Variants in PLCXD3 observed in about 807,000 individuals in gnomAD.
PLCXD3 encodes the protein phosphatidylinositol specific phospholipase C X domain containing 3, also known as PI-PLC X domain-containing protein 3.
PLCXD3 carries 19 observed loss-of-function variants against 25.5 expected under a neutral mutation model. The ratio of observed to expected loss-of-function variants is 0.75; its 90% CI spans 0.52 to 1.09. PLCXD3 has a LOEUF of 1.09. Among genes scored for constraint, PLCXD3 ranks in the 50% least tolerant of loss-of-function variants. The pLI is 0.00. For missense variants in PLCXD3, 411 were observed against 388.1 expected (o/e 1.06, Z -0.50); for synonymous variants, 174 against 137.6 (o/e 1.26, Z -1.85).
chr5:41,348,565 G>C (rs1293634498), intron 2 of PLCXD3, among the ~76,000 whole-genome samples: 1 of 152,192 alleles, frequency 6.6e-6, no homozygotes, highest in Non-Finnish European at 1.5e-5. Context: ...TTTGAAAATA[G>C]ATGTTTTTCC....
intron 1 of PLCXD3, among the ~76,000 whole-genome samples, chr5:41,464,939 A>T (rs1472730499): frequency 6.6e-6 from 1 of 152,146 alleles, no homozygotes; most frequent in East Asian, 1.9e-4. Context: ...TATTTCAATA[A>T]CTACTTTATT....
chr5:41,353,285 T>C (rs1448260910), intron 2 of PLCXD3, among the ~76,000 whole-genome samples: 2 of 151,200 alleles, frequency 1.3e-5, no homozygotes, highest in African/African-American at 2.4e-5. Context: ...TTTTTTTCAG[T>C]AGAGACAGGG....
intron 1 of PLCXD3, among the ~76,000 whole-genome samples, chr5:41,496,045 T>C (rs952444731): frequency 2.6e-5 from 4 of 151,972 alleles, no homozygotes; most frequent in Non-Finnish European, 1.5e-5. Context: ...ATAACAGAAA[T>C]TTTGGAGCTG....
intron 2 of PLCXD3, among the ~76,000 whole-genome samples, chr5:41,318,054 GA>G (rs911228661): frequency 5.9e-4 from 90 of 151,772 alleles, no homozygotes; most frequent in South Asian, 2.9e-3. Context: ...GGTGCAGAAG[GA>G]AAAAAAACTT....
intron 1 of PLCXD3, among the ~76,000 whole-genome samples, chr5:41,408,691 T>C (rs1746428030): frequency 6.6e-6 from 1 of 152,204 alleles, no homozygotes; most frequent in African/African-American, 2.4e-5. Context: ...AATCCGCACA[T>C]CTTTATTAAG....
In PLCXD3 at chr5:41,332,281, A is replaced by G. The variant is rs926107807; in HGVS notation, c.813-18511T>C. Among the ~76,000 whole-genome samples, 636 of 152,282 alleles carry G rather than the reference A, an allele frequency of 4.2e-3. 6 individuals carry two copies. The highest frequency in any genetic ancestry group is 0.014 in the African/African-American group (593 of 41,530). On this transcript the variant is annotated intron_variant, in intron 2 of 2. Coordinates refer to ENST00000377801, the MANE Select transcript of PLCXD3 (RefSeq NM_001005473.3). ...AAACAACCCCATCAAAAAGTGGGCA[A>G]AGGACATGAACAGATACTTCTCAAA...
At chr5:41,500,042 A>C (rs1023598396) in intron 1 of PLCXD3, among the ~76,000 whole-genome samples, 1 of 151,876 alleles carries the variant, frequency 6.6e-6, no homozygotes, top group Non-Finnish European at 1.5e-5. Flanking sequence ...TAGAACTTCC[A>C]TTTGATCCAG....
chr5:41,319,331 A>C lies in PLCXD3; in HGVS notation c.813-5561T>G, dbSNP rs115417860. ...ACACATTTTTTTCCTCAGCGCATGG[A>C]TCATTCTCAAGGATAGACCATATTT... On this transcript the variant is annotated intron_variant, in intron 2 of 2. Coordinates refer to ENST00000377801, the MANE Select transcript of PLCXD3 (RefSeq NM_001005473.3). 4.5e-3 allele frequency among the ~76,000 whole-genome samples: 691 copies of C among 152,304 alleles called. 3 individuals are homozygous for C. Among genetic ancestry groups the C allele is most frequent in the African/African-American group, 0.016 (652 of 41,572 alleles).
At chr5:41,479,274 G>C (rs1748344525) in intron 1 of PLCXD3, among the ~76,000 whole-genome samples, 1 of 152,156 alleles carries the variant, frequency 6.6e-6, no homozygotes, top group South Asian at 2.1e-4. Flanking sequence ...GAGGTGCCTA[G>C]AGTAATCAAA....
chr5:41,479,967 T>G (rs1430524319), intron 1 of PLCXD3, among the ~76,000 whole-genome samples: 2 of 152,112 alleles, frequency 1.3e-5, no homozygotes, highest in East Asian at 3.9e-4. Context: ...GAGAAAAGAA[T>G]CTAGTAGAAT....
intron 1 of PLCXD3, among the ~76,000 whole-genome samples, chr5:41,488,972 G>A (rs1315026096): frequency 6.6e-6 from 1 of 152,004 alleles, no homozygotes; most frequent in Admixed American, 6.6e-5. Context: ...TGTTGCCATT[G>A]CTTTTGGTGT....
At chr5:41,482,392 G>A (rs1345273049) in intron 1 of PLCXD3, among the ~76,000 whole-genome samples, 1 of 152,156 alleles carries the variant, frequency 6.6e-6, no homozygotes, top group Non-Finnish European at 1.5e-5. Context: ...CACGTGACTC[G>A]TAACGTACTT....
At chr5:41,505,863 G>C (rs960617397) in intron 1 of PLCXD3, among the ~76,000 whole-genome samples, 5 of 152,178 alleles carry the variant, frequency 3.3e-5, no homozygotes, top group Admixed American at 2.6e-4. Context: ...AGTCAAATAT[G>C]GTGTTCTGGC....
intron 1 of PLCXD3, among the ~76,000 whole-genome samples, chr5:41,396,283 G>C (rs539203699): frequency 6.6e-6 from 1 of 152,144 alleles, no homozygotes; most frequent in Non-Finnish European, 1.5e-5. Flanking sequence ...AGTTCTCAAC[G>C]GATCTGGTTG....
At chr5:41,490,494 A>C (rs1748638270) in intron 1 of PLCXD3, among the ~76,000 whole-genome samples, 1 of 152,300 alleles carries the variant, frequency 6.6e-6, no homozygotes, top group East Asian at 1.9e-4. Flanking sequence ...TGTTTGGAAT[A>C]GTTTCAGAAG....
chr5:41,364,093 G>T (rs891223660), intron 2 of PLCXD3, among the ~76,000 whole-genome samples: 9 of 152,110 alleles, frequency 5.9e-5, no homozygotes, highest in African/African-American at 2.2e-4. Context: ...GTGGGCATGG[G>T]GGGAGGGCAT....
At position 41,335,369 on chromosome 5, in the gene PLCXD3, A is replaced by G. The variant is rs545618265; in HGVS notation, c.813-21599T>C. Among the ~76,000 whole-genome samples, 86 of 152,258 alleles carry G rather than the reference A, an allele frequency of 5.6e-4. 1 individual carries two copies. In the South Asian group the frequency reaches 0.017, roughly 30 times the overall value. On this transcript the variant is annotated intron_variant, in intron 2 of 2. Coordinates refer to ENST00000377801, the MANE Select transcript of PLCXD3 (RefSeq NM_001005473.3). The stretch of plus-strand genomic sequence containing the variant: ...ACTTAAGAGTTCTGGATCTAGTACT[A>G]TTAGAGGCAGTAATGTTGAAACCCA...
At chr5:41,314,261 C>A (rs1248035860) in intron 2 of PLCXD3, among the ~76,000 whole-genome samples, 1 of 152,136 alleles carries the variant, frequency 6.6e-6, no homozygotes, top group Non-Finnish European at 1.5e-5. Flanking sequence ...GGTAGGCAGA[C>A]AAGGAAGAAA....
chr5:41,362,916 T>C (rs933185838), intron 2 of PLCXD3, among the ~76,000 whole-genome samples: 1 of 152,230 alleles, frequency 6.6e-6, no homozygotes, highest in African/African-American at 2.4e-5. Flanking sequence ...TTGGCATCTC[T>C]TCCTGTTTCG....
Sources: allele counts gnomAD v4.1 joint callset (sites outside exome capture counted in the v4.1 genomes callset), GRCh38; gene constraint gnomAD v4.1.1; transcripts MANE v1.5; gene names NCBI Gene and HGNC (gene_info 2026-07-23, HGNC 2026-07-21).